ADD3: variants seen among roughly 807,000 people sequenced by gnomAD.
The protein encoded by ADD3 is gamma-adducin.
ADD3 carries 25 observed loss-of-function variants against 80.2 expected under a neutral mutation model. That is an observed-to-expected ratio of 0.31 (90% CI 0.23 to 0.44). ADD3 has a LOEUF of 0.44. ADD3 is among the 20% of genes least tolerant of loss of function. ADD3 has a pLI of 1.00. For synonymous variants in ADD3, 284 were observed against 289.6 expected (o/e 0.98, Z 0.20); for missense variants, 829 against 847.5 (o/e 0.98, Z 0.27).
At chr10:110,094,374 A>G (rs146254648) in intron 1 of ADD3, among the ~76,000 whole-genome samples, 41 of 152,334 alleles carry the variant, frequency 2.7e-4, no homozygotes, top group African/African-American at 8.4e-4. Context: ...ACCACTGAGT[A>G]TAGTTTCCTC....
chr10:110,077,839 A>C (rs745886545), intron 1 of ADD3, among the ~76,000 whole-genome samples: 7 of 151,706 alleles, frequency 4.6e-5, no homozygotes, highest in Non-Finnish European at 7.4e-5. Flanking sequence ...TTTGTACCTG[A>C]GTTTTAAATG....
At chr10:110,110,728 T>G (rs1044818796) in intron 2 of ADD3, among the ~76,000 whole-genome samples, 2 of 151,944 alleles carry the variant, frequency 1.3e-5, no homozygotes, top group Non-Finnish European at 2.9e-5. Context: ...CTGAGTGTGG[T>G]GGCTCACACC....
Position 110,122,197 on chromosome 10 carries a change from G to C in ADD3, c.1048G>C (p.Ala350Pro). The change falls in exon 9 of 15, where the codon GCG (alanine) becomes CCG (proline). Residue 350 changes from alanine (A) to proline (P), a missense_variant. Ala to Pro is a conservative substitution (Grantham distance 27). Transcript: ENST00000356080. ...TAAAGCTTTCACTTACACTGTAGCA[G>C]CGTCTGGTGGAGGAGGTGTGAATAT... is the stretch of plus-strand genomic sequence containing the variant. ...KYKAFTYTVA[A>P]SGGGGVNMGS... 4.3e-6 allele frequency: 7 copies of C among 1,614,178 alleles called. No homozygotes were observed. The highest frequency in any genetic ancestry group is 5.1e-6 in the Non-Finnish European group (6 of 1,180,022).
intron 3 of ADD3, among the ~76,000 whole-genome samples, chr10:110,114,483 A>G (rs1590184240): frequency 6.6e-6 from 1 of 152,214 alleles, no homozygotes; most frequent in African/African-American, 2.4e-5. Flanking sequence ...AGTCGAGTAC[A>G]AGAATGAGGC....
rs750965183 is a variant in ADD3, at chr10:110,100,773, C to T, written c.120C>T (p.Asn40=). ...ENDPEYIRER[N]MSPDLRQDFN... is the part of the protein sequence containing the mutation. The stretch of plus-strand genomic sequence containing the variant: ...ACCCAGAATACATTAGGGAGAGGAA[C>T]ATGTCTCCTGATCTACGACAAGACT... The change falls in exon 2 of 15, where the codon AAC becomes AAT. Residue 40 remains asparagine (N), a synonymous_variant. Transcript: ENST00000356080. The T allele has an allele frequency of 5.0e-6, 8 of 1,613,736 alleles. No individual in the cohort carries two copies. The highest frequency in any genetic ancestry group is 6.8e-6 in the Non-Finnish European group (8 of 1,179,864).
Position 110,100,932 on chromosome 10 carries a change from C to T in ADD3, c.195+84C>T, listed in dbSNP as rs945886114. 6.1e-6 allele frequency: 8 copies of T among 1,311,314 alleles called. No homozygotes were observed. In the African/African-American group the frequency reaches 7.6e-5, roughly 13 times the overall value. The allele number at this position is 1,311,314 out of a possible 1,614,324, so 81.2% of individuals were successfully genotyped here. On this transcript the variant is annotated intron_variant, in intron 2 of 14. Transcript: ENST00000356080. ...GGTAGAAGTTTTCTCAAACTACCCT[C>T]AGGTTAAAAGAGGGGTGGAGGAGGA...
At position 110,119,573 on chromosome 10, in the gene ADD3, CATT is replaced by C. The variant is rs1377846600; in HGVS notation, c.960+13_960+15del. On this transcript the variant is annotated intron_variant, in intron 8 of 14. Coordinates refer to ENST00000356080, the MANE Select transcript of ADD3 (RefSeq NM_016824.5). The stretch of plus-strand genomic sequence containing the variant: ...TAGCCTGTGAGATTCAGGTAGGAAA[CATT>C]ATTCCCCTTTTTTAATTGCTTTGTT... 1.9e-6 allele frequency: 3 copies of C among 1,599,922 alleles called. No individual in the cohort carries two copies. Among genetic ancestry groups the C allele is most frequent in the East Asian group, 2.2e-5 (1 of 44,788 alleles).
chr10:110,063,767 ATATATATATATAT>A (rs1564914273), intron 1 of ADD3, among the ~76,000 whole-genome samples: 27 of 92,774 alleles, frequency 2.9e-4, no homozygotes, highest in African/African-American at 8.9e-4. Context: ...ATATATATAT[ATATATATATATAT>A]ATAAAGTGAA....
chr10:110,008,560 G>A (rs1357785349), intron 1 of ADD3, among the ~76,000 whole-genome samples: 1 of 152,168 alleles, frequency 6.6e-6, no homozygotes. Flanking sequence ...GCGGTGCACG[G>A]CCTGCGGCGC....
chr10:110,073,143 T>TTC (rs1844969447), intron 1 of ADD3, among the ~76,000 whole-genome samples: 1 of 138,062 alleles, frequency 7.2e-6, no homozygotes, highest in African/African-American at 3.1e-5. Flanking sequence ...GTTTTCTTTT[T>TTC]TTTTTTTTTT....
In ADD3 at chr10:110,116,448, T is replaced by A. The variant is rs769106092; in HGVS notation, c.486+38T>A. The A allele has an allele frequency of 3.9e-5, 63 of 1,608,384 alleles. No homozygotes were observed. The Middle Eastern group carries it at 6.9e-4, about 18-fold the overall frequency. ...GCTTTCAATTCCTTTTTTAAAAAAT[T>A]CCAGCTAGAAGGCAACTATACTCTT... On this transcript the variant is annotated intron_variant, in intron 4 of 14. Transcript: ENST00000356080.
At chr10:110,006,050 T>C (rs1273271639), upstream of ADD3, 5 of 222,842 alleles carry the variant, frequency 2.2e-5, no homozygotes, top group African/African-American at 4.7e-5. Flanking sequence ...GAGGCTGCAG[T>C]AGGTTTCTGT....
At chr10:110,010,237 C>T (rs1852182788) in intron 1 of ADD3, among the ~76,000 whole-genome samples, 2 of 152,194 alleles carry the variant, frequency 1.3e-5, no homozygotes, top group Admixed American at 1.3e-4. Flanking sequence ...TTGAGGCTTC[C>T]TGAAGTAGGC....
chr10:110,045,786 A>G (rs77102607), intron 1 of ADD3, among the ~76,000 whole-genome samples: 2,592 of 152,340 alleles, frequency 0.017, 71 homozygotes, highest in African/African-American at 0.055. Context: ...GTAAATAAAC[A>G]TAAAAAGGCA....
At chr10:110,108,199 G>A (rs1849603554) in intron 2 of ADD3, among the ~76,000 whole-genome samples, 1 of 152,020 alleles carries the variant, frequency 6.6e-6, no homozygotes, top group Non-Finnish European at 1.5e-5. Flanking sequence ...ACTTAGCCTG[G>A]TATTCCAGGA....
At chr10:110,098,975 A>G (rs978888834) in intron 1 of ADD3, among the ~76,000 whole-genome samples, 7 of 152,016 alleles carry the variant, frequency 4.6e-5, no homozygotes, top group African/African-American at 1.7e-4. Flanking sequence ...ACTGGAATGC[A>G]GTGGTGTGAT....
intron 1 of ADD3, among the ~76,000 whole-genome samples, chr10:110,026,520 T>A (rs1854327486): frequency 6.6e-6 from 1 of 152,140 alleles, no homozygotes; most frequent in Admixed American, 6.5e-5. Context: ...CCTCAGGTGA[T>A]CCGCCCACCT....
Position 110,124,115 on chromosome 10 carries a change from C to T in ADD3, c.1242C>T (p.Ser414=). Reference sequence around the variant, plus strand: ...TCCCAGCAACTGTGACTGCTTTTTCCTTTGAAGACGATACAGTGCCACTCT... The same window carrying T: ...TCCCAGCAACTGTGACTGCTTTTTCTTTTGAAGACGATACAGTGCCACTCT... ...VEIPATVTAF[S]FEDDTVPLSP... Residue 414 remains serine (S), a synonymous_variant, in exon 10 of 15, where the codon TCC becomes TCT. Transcript: ENST00000356080. The T allele has an allele frequency of 6.2e-7, 1 of 1,614,094 alleles. No homozygotes were observed. The highest frequency in any genetic ancestry group is 8.5e-7 in the Non-Finnish European group (1 of 1,179,998).
At chr10:110,015,800 A>G (rs550405181) in intron 1 of ADD3, among the ~76,000 whole-genome samples, 22 of 152,296 alleles carry the variant, frequency 1.4e-4, no homozygotes, top group South Asian at 4.1e-4. Context: ...TTCTCTAAGC[A>G]CTTTGCCATA....
Sources: gnomAD v4.1 joint callset for allele counts (sites outside exome capture counted in the v4.1 genomes callset) on GRCh38, gnomAD v4.1.1 for gene constraint, MANE v1.5 for transcripts, NCBI Gene and HGNC (gene_info 2026-07-23, HGNC 2026-07-21) for gene names.